CHST11: variants seen among roughly 807,000 people sequenced by gnomAD.
CHST11 encodes the protein carbohydrate sulfotransferase 11.
Under a neutral mutation model 30.4 loss-of-function variants are expected in CHST11, and 9 were observed. The observed-to-expected ratio is 0.30, with a 90% CI of 0.18 to 0.52. The LOEUF (loss-of-function observed/expected upper bound fraction) is 0.52, where lower values mean the gene tolerates loss of function less well. CHST11 is among the 20% of genes least tolerant of loss of function. The pLI, the probability that CHST11 is intolerant of heterozygous loss-of-function variation, is 0.97. For synonymous variants in CHST11, 152 were observed against 187.8 expected (o/e 0.81, Z 1.56); for missense variants, 348 against 460.6 (o/e 0.76, Z 2.24).
chr12:104,703,178 T>G (rs896933506), intron 2 of CHST11, among the ~76,000 whole-genome samples: 2 of 152,198 alleles, frequency 1.3e-5, no homozygotes, highest in African/African-American at 4.8e-5. Context: ...GCCTGGGCCA[T>G]AGTGGGTGCA....
intron 2 of CHST11, among the ~76,000 whole-genome samples, chr12:104,727,550 G>GT (rs1395825290): frequency 6.6e-6 from 1 of 152,242 alleles, no homozygotes. Flanking sequence ...TATTGGTAGA[G>GT]TGGAGATGAT....
rs533076102 is a variant in CHST11 at position 104,618,199 on chromosome 12, G to A, written c.204+16208G>A. ...TGGGATTATAGGTGTGAGCCACTGTGCCTGGCTTCTTCTTCTTTTCTTTTC... is the reference window on the plus strand; with the variant it reads ...TGGGATTATAGGTGTGAGCCACTGTACCTGGCTTCTTCTTCTTTTCTTTTC... On this transcript the variant is annotated intron_variant, in intron 2 of 2. Coordinates refer to ENST00000303694, the MANE Select transcript of CHST11 (RefSeq NM_018413.6). Among the ~76,000 whole-genome samples the A allele has an allele frequency of 6.7e-5, 10 of 148,872 alleles. No homozygotes were observed. In the East Asian group the frequency reaches 1.2e-3, roughly 18 times the overall value.
intron 1 of CHST11, among the ~76,000 whole-genome samples, chr12:104,567,162 G>A (rs1259240809): frequency 1.3e-5 from 2 of 152,154 alleles, no homozygotes; most frequent in Non-Finnish European, 2.9e-5. Flanking sequence ...TATCCCTTAC[G>A]CTTGCCAGTT....
intron 2 of CHST11, among the ~76,000 whole-genome samples, chr12:104,699,263 G>C (rs547485116): frequency 6.6e-6 from 1 of 152,194 alleles, no homozygotes. Flanking sequence ...GCTCACGTGT[G>C]GTGACTGAGC....
rs1389827640 is a variant in CHST11 at position 104,458,175 on chromosome 12, C to G, written c.118+646C>G. ...CTCCACCACGCGCCGGCCGTTTGCC[C>G]CCGGGGTCCGGCTCCGCAGTGACCT... is the stretch of plus-strand genomic sequence containing the variant. On this transcript the variant is annotated intron_variant, in intron 1 of 2. Transcript: ENST00000303694. This position sits in a 1 kb window ranked among gnomAD's most constrained non-coding sequence, Gnocchi z 5.7. 6.6e-6 allele frequency among the ~76,000 whole-genome samples: 1 copy of G among 152,052 alleles called. No homozygotes were observed. Among genetic ancestry groups the G allele is most frequent in the Non-Finnish European group, 1.5e-5 (1 of 67,996 alleles).
Position 104,760,422 on chromosome 12 carries a change from G to T in CHST11, c.*2619G>T. ...TCTTGGGTGGTGTGGACAGAAGGAAGAGAGGAGAGGGTGAGTGGGGTATAG... is the reference window on the plus strand; with the variant it reads ...TCTTGGGTGGTGTGGACAGAAGGAATAGAGGAGAGGGTGAGTGGGGTATAG... On this transcript the variant is annotated 3_prime_UTR_variant, in exon 3 of 3. Coordinates refer to ENST00000303694, the MANE Select transcript of CHST11 (RefSeq NM_018413.6). The T allele has an allele frequency of 6.6e-6, 1 of 152,446 alleles. No homozygotes were observed. The highest frequency in any genetic ancestry group is 1.5e-5 in the Non-Finnish European group (1 of 68,130). The allele number at this position is 152,446 out of a possible 1,614,324, so 9.4% of individuals were successfully genotyped here.
In CHST11 at chr12:104,554,142, C is replaced by T. The variant is rs189523700; in HGVS notation, c.119-47764C>T. On this transcript the variant is annotated intron_variant, in intron 1 of 2. Transcript: ENST00000303694. ...TGTAATCATGGAAGCAATATGTCCT[C>T]ACCTTTGCTGTATTCTATTATTTAG... 1.4e-3 allele frequency among the ~76,000 whole-genome samples: 206 copies of T among 152,282 alleles called. 1 individual carries two copies. Among genetic ancestry groups the T allele is most frequent in the Non-Finnish European group, 1.8e-3 (124 of 68,030 alleles).
intron 2 of CHST11, among the ~76,000 whole-genome samples, chr12:104,644,335 G>A (rs1425679930): frequency 1.3e-5 from 2 of 152,132 alleles, no homozygotes; most frequent in Non-Finnish European, 2.9e-5. Context: ...GATTCCACTC[G>A]GTGGCCTCCC....
At position 104,645,052 on chromosome 12, in the gene CHST11, A is replaced by T. The variant is rs551149319; in HGVS notation, c.204+43061A>T. Among the ~76,000 whole-genome samples, 17 of 152,194 alleles carry T rather than the reference A, an allele frequency of 1.1e-4. 1 individual carries two copies. The East Asian group carries it at 3.1e-3, about 28-fold the overall frequency. ...AAGCTCTTCCTCCCAGATTCACGCC[A>T]TTCTCCTGCCTCAGCCTCCCAAGTA... is the stretch of plus-strand genomic sequence containing the variant. On this transcript the variant is annotated intron_variant, in intron 2 of 2. Coordinates refer to ENST00000303694, the MANE Select transcript of CHST11 (RefSeq NM_018413.6).
At chr12:104,627,300 A>G (rs1018193204) in intron 2 of CHST11, among the ~76,000 whole-genome samples, 1 of 152,224 alleles carries the variant, frequency 6.6e-6, no homozygotes, top group African/African-American at 2.4e-5. Flanking sequence ...TGCTCTAAAC[A>G]TCCATGCGCA....
intron 1 of CHST11, among the ~76,000 whole-genome samples, chr12:104,516,343 T>C (rs2038022032): frequency 6.6e-6 from 1 of 152,230 alleles, no homozygotes; most frequent in Non-Finnish European, 1.5e-5. Flanking sequence ...TGTCTGTTCA[T>C]ATCCTGGTGA....
At chr12:104,650,456 C>A (rs1210344593) in intron 2 of CHST11, among the ~76,000 whole-genome samples, 1 of 152,208 alleles carries the variant, frequency 6.6e-6, no homozygotes, top group African/African-American at 2.4e-5. Context: ...ACCTCATCAA[C>A]CCTGAGATGC....
intron 1 of CHST11, among the ~76,000 whole-genome samples, chr12:104,513,144 G>T (rs1565969847): frequency 2.6e-5 from 3 of 115,624 alleles, no homozygotes; most frequent in Non-Finnish European, 3.7e-5. Flanking sequence ...GGGGTTGGGG[G>T]TGGGGAGGGA....
Position 104,491,776 on chromosome 12 carries a change from C to T in CHST11, c.118+34247C>T, listed in dbSNP as rs1236544285. ...ACAGGTGTGAGCTACTATACTCGGCCAGTACCCTTCTCAAAACACTTCAGC... is the reference window on the plus strand; with the variant it reads ...ACAGGTGTGAGCTACTATACTCGGCTAGTACCCTTCTCAAAACACTTCAGC... On this transcript the variant is annotated intron_variant, in intron 1 of 2. Coordinates refer to ENST00000303694, the MANE Select transcript of CHST11 (RefSeq NM_018413.6). 2.0e-5 allele frequency among the ~76,000 whole-genome samples: 3 copies of T among 152,156 alleles called. No individual in the cohort carries two copies. In the East Asian group the frequency reaches 5.8e-4, roughly 29 times the overall value.
At chr12:104,481,717 T>C (rs1160345121) in intron 1 of CHST11, among the ~76,000 whole-genome samples, 1 of 152,202 alleles carries the variant, frequency 6.6e-6, no homozygotes, top group Non-Finnish European at 1.5e-5. Context: ...TATTTACTCG[T>C]CTATGACTTG....
intron 2 of CHST11, among the ~76,000 whole-genome samples, chr12:104,746,661 T>C (rs144674082): frequency 1.2e-3 from 190 of 152,294 alleles, no homozygotes; most frequent in African/African-American, 4.4e-3. Flanking sequence ...AACAGGTGCT[T>C]CCCTAGTGAC....
At chr12:104,706,804 T>C (rs2136117502) in intron 2 of CHST11, among the ~76,000 whole-genome samples, 1 of 152,250 alleles carries the variant, frequency 6.6e-6, no homozygotes, top group Middle Eastern at 3.4e-3. Context: ...TATTTTAATG[T>C]CCCAGGGGGA....
chr12:104,647,185 C>T (rs1207337633), intron 2 of CHST11, among the ~76,000 whole-genome samples: 1 of 152,212 alleles, frequency 6.6e-6, no homozygotes, highest in Non-Finnish European at 1.5e-5. Flanking sequence ...CTCTTACCTC[C>T]ACGATTCTCT....
At chr12:104,527,560 T>C (rs1340870232) in intron 1 of CHST11, among the ~76,000 whole-genome samples, 1 of 152,168 alleles carries the variant, frequency 6.6e-6, no homozygotes, top group African/African-American at 2.4e-5. Flanking sequence ...GTGGATCTTC[T>C]ATACTCTTCT....
Sources: gnomAD v4.1 joint callset for allele counts (sites outside exome capture counted in the v4.1 genomes callset) on GRCh38, gnomAD v4.1.1 for gene constraint, Gnocchi (gnomAD v3.1) non-coding constraint, MANE v1.5 for transcripts, NCBI Gene and HGNC (gene_info 2026-07-23, HGNC 2026-07-21) for gene names.